Variants in TFDP1 observed in about 807,000 individuals in gnomAD.
TFDP1 encodes the protein DRTF1-polypeptide 1.
Under a neutral mutation model 48.0 loss-of-function variants are expected in TFDP1, and 6 were observed. The observed-to-expected ratio is 0.13, with a 90% CI of 0.07 to 0.25. The LOEUF (loss-of-function observed/expected upper bound fraction) is 0.25, where lower values mean the gene tolerates loss of function less well. Ranked by LOEUF, TFDP1 falls within the 10% of genes least tolerant of loss-of-function variation. The pLI is 1.00. For missense variants in TFDP1, 335 were observed against 543.0 expected (o/e 0.62, Z 3.81); for synonymous variants, 201 against 211.6 (o/e 0.95, Z 0.44).
At chr13:113,615,733 A>G (rs2048840355) in intron 3 of TFDP1, among the ~76,000 whole-genome samples, 1 of 152,076 alleles carries the variant, frequency 6.6e-6, no homozygotes, top group Non-Finnish European at 1.5e-5. Flanking sequence ...GGGAGACCCC[A>G]TCTCTATAAA....
intron 3 of TFDP1, among the ~76,000 whole-genome samples, chr13:113,611,937 C>G (rs573034710): frequency 6.6e-6 from 1 of 152,198 alleles, no homozygotes; most frequent in African/African-American, 2.4e-5. Context: ...TCGCATCAGC[C>G]CAGGGAGGAG....
chr13:113,601,422 G>C (rs185678346), intron 2 of TFDP1, among the ~76,000 whole-genome samples: 1 of 112,804 alleles, frequency 8.9e-6, no homozygotes, highest in South Asian at 2.7e-4. Flanking sequence ...CCTGCGTAGG[G>C]CAGCTCGCTG....
intron 2 of TFDP1, among the ~76,000 whole-genome samples, chr13:113,606,066 G>A (rs1181217877): frequency 4.2e-5 from 6 of 143,828 alleles, no homozygotes; most frequent in Admixed American, 6.8e-5. Context: ...GTGGGAAGGC[G>A]GTGCGGTGAT....
At position 113,633,380 on chromosome 13, in the gene TFDP1, C is replaced by T; in HGVS notation, c.474+95C>T. On this transcript the variant is annotated intron_variant, in intron 6 of 11. Coordinates refer to ENST00000375370, the MANE Select transcript of TFDP1 (RefSeq NM_007111.5). The surrounding 1 kb of genome is among the most constrained non-coding windows in gnomAD (Gnocchi z 4.5). ...AATATCGGGAACAGTTAAAACCATA[C>T]AGAAAATGCCAAGTACAGCATAAAA... 1 of 835,410 alleles carries T rather than the reference C, an allele frequency of 1.2e-6. No homozygotes were observed. The highest frequency in any genetic ancestry group is 1.9e-6 in the Non-Finnish European group (1 of 520,586). 51.7% of individuals were successfully genotyped at this position (835,410 alleles called of 1,614,324 possible). A position where few individuals can be genotyped will look rare whatever the true frequency, so the allele number is the denominator to read the frequency against.
chr13:113,635,171 G>A (rs1235389509), intron 8 of TFDP1, among the ~76,000 whole-genome samples: 1 of 152,186 alleles, frequency 6.6e-6, no homozygotes, highest in Non-Finnish European at 1.5e-5. Flanking sequence ...GCTGAGGGTG[G>A]GCGGCACCAC....
At chr13:113,610,953 C>T in intron 2 of TFDP1, 43 bp from the exon 3 acceptor site, 7 of 1,598,230 alleles carry the variant, frequency 4.4e-6, no homozygotes, top group South Asian at 1.1e-5. Flanking sequence ...TTTCGTAGCC[C>T]TTTTAGCTGT....
At chr13:113,614,285 G>A (rs1489725253) in intron 3 of TFDP1, among the ~76,000 whole-genome samples, 2 of 152,132 alleles carry the variant, frequency 1.3e-5, no homozygotes, top group African/African-American at 2.4e-5. Flanking sequence ...GTGTGTGTAA[G>A]CGTGCAGTCC....
rs1046061649 is a variant in TFDP1 at position 113,598,311 on chromosome 13, C to T, written c.12+12462C>T. Among the ~76,000 whole-genome samples, 2 of 152,102 alleles carry T rather than the reference C, an allele frequency of 1.3e-5. No individual in the cohort carries two copies. Among genetic ancestry groups the T allele is most frequent in the Non-Finnish European group, 2.9e-5 (2 of 68,026 alleles). ...TTTTCCAGGCAGTTTTGCATTTGTGCCTGTTGTAGACTAGAGCATCATTTG... is the reference window on the plus strand; with the variant it reads ...TTTTCCAGGCAGTTTTGCATTTGTGTCTGTTGTAGACTAGAGCATCATTTG... On this transcript the variant is annotated intron_variant, in intron 2 of 11. Coordinates refer to ENST00000375370, the MANE Select transcript of TFDP1 (RefSeq NM_007111.5). The surrounding 1 kb of genome is among the most constrained non-coding windows in gnomAD (Gnocchi z 4.2).
intron 10 of TFDP1, chr13:113,637,546 G>A (rs1400016052): frequency 1.4e-6 from 2 of 1,400,148 alleles, no homozygotes; most frequent in Admixed American, 4.4e-5. Context: ...TGATACTGAG[G>A]CAGCAGCACA....
chr13:113,639,577 A>G (rs1291202696), intron 11 of TFDP1, among the ~76,000 whole-genome samples: 1 of 152,266 alleles, frequency 6.6e-6, no homozygotes, highest in Admixed American at 6.5e-5. Context: ...GTATTAAAAT[A>G]TGTACATATG....
chr13:113,587,291 G>T (rs201351900), intron 2 of TFDP1, among the ~76,000 whole-genome samples: 1 of 151,918 alleles, frequency 6.6e-6, no homozygotes, highest in Non-Finnish European at 1.5e-5. Context: ...AACTGCATAG[G>T]CACAGGGGCT....
chr13:113,592,474 A>G (rs530497848), intron 2 of TFDP1, among the ~76,000 whole-genome samples: 9 of 152,234 alleles, frequency 5.9e-5, no homozygotes, highest in African/African-American at 1.7e-4. Flanking sequence ...CTGTTTTTCT[A>G]TGGTCCAGTT....
At chr13:113,613,679 ATGAGTGTG>A (rs1269666487) in intron 3 of TFDP1, among the ~76,000 whole-genome samples, 1 of 137,242 alleles carries the variant, frequency 7.3e-6, no homozygotes, top group Non-Finnish European at 1.5e-5. Flanking sequence ...GTGTGTGTGC[ATGAGTGTG>A]TGTGTGTATG....
intron 4 of TFDP1, among the ~76,000 whole-genome samples, chr13:113,629,932 A>G (rs1432675636): frequency 6.6e-6 from 1 of 152,018 alleles, no homozygotes; most frequent in Non-Finnish European, 1.5e-5. Context: ...CGTGTGTGGG[A>G]TTCTCCAGCC....
At chr13:113,585,971 T>A in intron 2 of TFDP1, 122 bp downstream of exon 2, 1 of 1,179,786 alleles carries the variant, frequency 8.5e-7, no homozygotes, top group Non-Finnish European at 1.2e-6. Context: ...TTCAGACTTT[T>A]AAAGCGTCTG....
intron 2 of TFDP1, among the ~76,000 whole-genome samples, chr13:113,591,585 G>A (rs1051641029): frequency 4.6e-5 from 7 of 152,028 alleles, no homozygotes; most frequent in African/African-American, 1.7e-4. Flanking sequence ...TGCTCTTTAG[G>A]GGATGTTAAA....
intron 11 of TFDP1, 150 bp from the exon 12 acceptor site, chr13:113,639,970 T>C: frequency 1.6e-6 from 1 of 615,146 alleles, no homozygotes; most frequent in Non-Finnish European, 2.8e-6. Context: ...CGTGCTGTAG[T>C]GCAGACACTC....
chr13:113,594,363 AG>A (rs779962867), intron 2 of TFDP1, among the ~76,000 whole-genome samples: 7 of 149,136 alleles, frequency 4.7e-5, no homozygotes, highest in Admixed American at 2.7e-4. Flanking sequence ...AGCTATACAC[AG>A]GTGTCAGGCG....
intron 4 of TFDP1, among the ~76,000 whole-genome samples, chr13:113,631,139 G>T (rs2049324851): frequency 6.6e-6 from 1 of 152,168 alleles, no homozygotes; most frequent in African/African-American, 2.4e-5. Flanking sequence ...AGCTGTTTTT[G>T]GTTTGTTTCA....
Sources: gnomAD v4.1 joint callset for allele counts (sites outside exome capture counted in the v4.1 genomes callset) on GRCh38, gnomAD v4.1.1 for gene constraint, Gnocchi (gnomAD v3.1) non-coding constraint, MANE v1.5 for transcripts, NCBI Gene and HGNC (gene_info 2026-07-23, HGNC 2026-07-21) for gene names.